STK32C: variants seen among roughly 807,000 people sequenced by gnomAD.
The protein encoded by STK32C is serine/threonine kinase 32C.
Under a neutral mutation model 56.5 loss-of-function variants are expected in STK32C, and 31 were observed. The ratio of observed to expected loss-of-function variants is 0.55; its 90% confidence interval spans 0.41 to 0.74. The LOEUF (loss-of-function observed/expected upper bound fraction) is 0.74. Among genes scored for constraint, STK32C ranks in the 30% least tolerant of loss-of-function variants. The probability of loss-of-function intolerance (pLI) is 0.00; values close to 1 mark genes in which losing one functional copy is unlikely to be tolerated. For missense variants in STK32C, 544 were observed against 676.9 expected (o/e 0.80, Z 2.18); for synonymous variants, 309 against 289.4 (o/e 1.07, Z -0.69).
upstream of STK32C, among the ~76,000 whole-genome samples, chr10:132,312,585 G>T (rs1056397222): frequency 6.6e-6 from 1 of 152,176 alleles, no homozygotes; most frequent in Non-Finnish European, 1.5e-5. Context: ...TCGGTCCCAA[G>T]TAAGTTCAAA....
At chr10:132,263,465 G>T (rs1158298436) in intron 1 of STK32C, among the ~76,000 whole-genome samples, 1 of 152,070 alleles carries the variant, frequency 6.6e-6, no homozygotes, top group East Asian at 1.9e-4. Context: ...GGAGTCAAGG[G>T]TTGAAAAACC....
chr10:132,301,106 G>A (rs2065898971), intron 1 of STK32C, among the ~76,000 whole-genome samples: 1 of 144,558 alleles, frequency 6.9e-6, no homozygotes, highest in Non-Finnish European at 1.5e-5. Flanking sequence ...CTAACACGAG[G>A]TCCGATTCAA....
At chr10:132,208,966 A>G in intron 11 of STK32C, 68 bp downstream of exon 11, 3 of 1,510,126 alleles carry the variant, frequency 2.0e-6, no homozygotes, top group Non-Finnish European at 2.7e-6. Flanking sequence ...CGTGGCCAAG[A>G]AAACCTTAAC....
rs71472732 is a variant in STK32C at position 132,263,865 on chromosome 10, C to CA, written c.263-17911dup. Among the ~76,000 whole-genome samples, 404 of 75,622 alleles carry CA rather than the reference C, an allele frequency of 5.3e-3. 5 individuals carry two copies. Among genetic ancestry groups the CA allele is most frequent in the East Asian group, 0.03 (60 of 1,998 alleles). The allele number at this position is 75,622 out of a possible 152,430, so 49.6% of individuals were successfully genotyped here. A position where few individuals can be genotyped will look rare whatever the true frequency, so the allele number is the denominator to read the frequency against. On this transcript the variant is annotated intron_variant, in intron 1 of 11. Transcript: ENST00000298630. ...TGGATGACAGAACGAGACTCCATCT[C>CA]AAAAAAAAAAAAAAAAAAAGTTGGG...
chr10:132,287,448 C>T (rs1439368435), intron 1 of STK32C, among the ~76,000 whole-genome samples: 2 of 146,520 alleles, frequency 1.4e-5, no homozygotes, highest in Non-Finnish European at 3.0e-5. Flanking sequence ...CGAGATCGTG[C>T]CACTGTACTC....
chr10:132,235,760 T>C (rs1240144980), intron 2 of STK32C, among the ~76,000 whole-genome samples: 2 of 151,938 alleles, frequency 1.3e-5, no homozygotes, highest in Non-Finnish European at 2.9e-5. Context: ...CTCATCCAGA[T>C]CCTGATTGAG....
rs1241688708 is a variant in STK32C at position 132,207,989 on chromosome 10, G to A, written c.*21C>T. The A allele has an allele frequency of 3.1e-6, 4 of 1,299,680 alleles. No homozygotes were observed. The highest frequency in any genetic ancestry group is 5.7e-5 in the East Asian group (2 of 35,126). 80.5% of individuals were successfully genotyped at this position (1,299,680 alleles called of 1,614,324 possible). A position where few individuals can be genotyped will look rare whatever the true frequency, so the allele number is the denominator to read the frequency against. On this transcript the variant is annotated 3_prime_UTR_variant, in exon 12 of 12. Transcript: ENST00000298630. Reference sequence around the variant, plus strand: ...GAGTCTCCAAAGCAGCTCAAGGGGTGAGGACCACGGGCGTCCCGGCCTAGC... The same window carrying A: ...GAGTCTCCAAAGCAGCTCAAGGGGTAAGGACCACGGGCGTCCCGGCCTAGC...
At chr10:132,249,026 A>C (rs1362870244) in intron 1 of STK32C, 1 of 470,928 alleles carries the variant, frequency 2.1e-6, no homozygotes. Context: ...TGCGCCCTGC[A>C]CACCTGCAAA....
At chr10:132,331,476 C>A in exon 1 of STK32C, 1 of 1,612,826 alleles carries the variant, frequency 6.2e-7, no homozygotes, top group Non-Finnish European at 8.5e-7. Flanking sequence ...CCAGAGGCAG[C>A]CTTACTTCTC....
intron 1 of STK32C, among the ~76,000 whole-genome samples, chr10:132,298,282 G>A (rs897776036): frequency 5.9e-5 from 9 of 152,360 alleles, no homozygotes; most frequent in East Asian, 5.8e-4. Flanking sequence ...AAAGTGACAC[G>A]GTGCCAGCCC....
chr10:132,243,786 G>A (rs556349561), intron 2 of STK32C, among the ~76,000 whole-genome samples: 217 of 152,134 alleles, frequency 1.4e-3, no homozygotes, highest in Non-Finnish European at 2.5e-3. Flanking sequence ...GGCAGGACCC[G>A]ACTCTACCCG....
At chr10:132,227,863 G>A (rs1413460358) in intron 3 of STK32C, 114 bp downstream of exon 3, 2 of 1,329,102 alleles carry the variant, frequency 1.5e-6, no homozygotes, top group South Asian at 1.4e-5. Context: ...GTGGGTGGCA[G>A]AGGCATCTCC....
At chr10:132,214,004 G>T (rs2062393539) in intron 10 of STK32C, among the ~76,000 whole-genome samples, 1 of 152,040 alleles carries the variant, frequency 6.6e-6, no homozygotes, top group Non-Finnish European at 1.5e-5. Context: ...AAAATGAACA[G>T]AATATCCAAG....
intron 10 of STK32C, among the ~76,000 whole-genome samples, chr10:132,221,067 T>C (rs909530950): frequency 6.6e-6 from 1 of 152,236 alleles, no homozygotes; most frequent in African/African-American, 2.4e-5. Context: ...AACCACCTGA[T>C]TCGTGGTCAC....
At chr10:132,222,005 ACAT>A (rs1046175431) in intron 10 of STK32C, among the ~76,000 whole-genome samples, 3 of 145,338 alleles carry the variant, frequency 2.1e-5, no homozygotes, top group Admixed American at 6.9e-5. Context: ...CACACAACTG[ACAT>A]CAACGCACCT....
At position 132,304,153 on chromosome 10, in the gene STK32C, T is replaced by G. The variant is rs543391928; in HGVS notation, c.262+3419A>C. The stretch of plus-strand genomic sequence containing the variant: ...CAACGATGTTCATCAATACGTCGTT[T>G]ATGATATTTATAAAACAGAAACACC... On this transcript the variant is annotated intron_variant, in intron 1 of 11. Transcript: ENST00000298630. 1.5e-4 allele frequency among the ~76,000 whole-genome samples: 23 copies of G among 152,352 alleles called. No individual in the cohort carries two copies. The South Asian group carries it at 4.8e-3, about 32-fold the overall frequency.
In STK32C at chr10:132,227,996, C is replaced by T. The variant is rs568242475; in HGVS notation, c.451G>A (p.Val151Ile). 105 of 1,613,540 alleles carry T rather than the reference C, an allele frequency of 6.5e-5. 1 individual carries two copies. The South Asian group carries it at 7.2e-4, about 11-fold the overall frequency. Reference protein sequence around the residue: ...ELEILQEIEHVFLVNLWYSFQ... With the variant: ...ELEILQEIEHIFLVNLWYSFQ... ...GCTCACCAGAGGTTCACCAGGAAGA[C>T]GTGCTCGATCTCCTGCAGGATCTCC... The change falls in exon 3 of 12, where the codon GTC becomes ATC. Residue 151 changes from valine (V) to isoleucine (I), a missense_variant. Transcript: ENST00000298630.
At chr10:132,240,777 GT>G (rs2063473635) in intron 2 of STK32C, among the ~76,000 whole-genome samples, 1 of 152,110 alleles carries the variant, frequency 6.6e-6, no homozygotes, top group Admixed American at 6.5e-5. Flanking sequence ...AGCCAGGGGG[GT>G]TAGAGAGGAG....
chr10:132,253,638 G>C (rs1187886824), intron 1 of STK32C, among the ~76,000 whole-genome samples: 1 of 151,750 alleles, frequency 6.6e-6, no homozygotes, highest in Non-Finnish European at 1.5e-5. Context: ...AGCTGAGGGA[G>C]CTGGAGGGAG....
Sources: gnomAD v4.1 joint callset for allele counts (sites outside exome capture counted in the v4.1 genomes callset) on GRCh38, gnomAD v4.1.1 for gene constraint, MANE v1.5 for transcripts, NCBI Gene and HGNC (gene_info 2026-07-23, HGNC 2026-07-21) for gene names.